Variants in GBP3 observed in about 807,000 individuals in gnomAD.
GBP3 encodes the protein guanylate-binding protein 3.
GBP3 carries 55 observed loss-of-function variants against 62.4 expected under a neutral mutation model. That is an observed-to-expected ratio of 0.88 (90% CI 0.71 to 1.10). The LOEUF is 1.10. GBP3 is among the 50% of genes least tolerant of loss of function. The pLI is 0.00. For synonymous variants in GBP3, 208 were observed against 259.2 expected (o/e 0.80, Z 1.90); for missense variants, 605 against 690.6 (o/e 0.88, Z 1.39).
At chr1:89,019,444 A>G (rs1570907585) in intron 2 of GBP3, among the ~76,000 whole-genome samples, 1 of 152,192 alleles carries the variant, frequency 6.6e-6, no homozygotes, top group Non-Finnish European at 1.5e-5. Context: ...ATGTGCCACC[A>G]TGCCCAGCTA....
chr1:89,013,541 T>C (rs1678709866), intron 5 of GBP3, 114 bp from the exon 6 acceptor site: 1 of 1,078,558 alleles, frequency 9.3e-7, no homozygotes, highest in African/African-American at 1.6e-5. Context: ...TACTCAACTT[T>C]GTTATTGGAG....
At chr1:89,015,206 C>T in intron 3 of GBP3, 81 bp downstream of exon 3, 1 of 1,382,158 alleles carries the variant, frequency 7.2e-7, no homozygotes, top group Non-Finnish European at 9.8e-7. Context: ...AATGCAAACT[C>T]TTCTTTAAGA....
chr1:89,016,896 A>G (rs948172745), intron 2 of GBP3, among the ~76,000 whole-genome samples: 1 of 152,152 alleles, frequency 6.6e-6, no homozygotes, highest in African/African-American at 2.4e-5. Context: ...AAAGAAATTA[A>G]GGAAGAGTTA....
At chr1:89,016,587 AT>A (rs1003758775) in intron 2 of GBP3, among the ~76,000 whole-genome samples, 32 of 148,100 alleles carry the variant, frequency 2.2e-4, no homozygotes, top group South Asian at 4.3e-4. Context: ...AAATTACAAA[AT>A]TTTTTTTTTT....
At chr1:89,008,752 C>T (rs1300566260) in intron 10 of GBP3, 195 bp downstream of exon 10, 2 of 997,496 alleles carry the variant, frequency 2.0e-6, no homozygotes, top group Admixed American at 5.8e-5. Flanking sequence ...GAATGTGACA[C>T]CCTGCAAATA....
At position 89,020,591 on chromosome 1, in the gene GBP3, A is replaced by C; in HGVS notation, c.131T>G (p.Val44Gly). 6.2e-7 allele frequency: 1 copy of C among 1,614,160 alleles called. No homozygotes were observed. The highest frequency in any genetic ancestry group is 8.5e-7 in the Non-Finnish European group (1 of 1,180,006). The change falls in exon 2 of 11, where the codon GTG becomes GGG. Residue 44 changes from valine to glycine, a missense_variant. By Grantham distance (109) the Val-to-Gly change is moderately radical. This residue lies in a region of GBP3 where 308 missense variants were observed against 318.0 expected (regional missense o/e 0.97). Transcript: ENST00000370481. The part of the protein sequence containing the change: ...ITQPVVVVAI[V>G]GLYRTGKSYL... ...GGATTTTCCTGTGCGGTAGAGGCCC[A>C]CAATTGCCACCACCACCACAGGCTG...
In GBP3 at chr1:89,020,405, A is replaced by T. The variant is rs188195039; in HGVS notation, c.190+127T>A. ...ATCCCCTAGAAGAGTGAAGATAAGGAGCCCAACTGTGAATGGAAAGTTAGC... is the reference window on the plus strand; with the variant it reads ...ATCCCCTAGAAGAGTGAAGATAAGGTGCCCAACTGTGAATGGAAAGTTAGC... On this transcript the variant is annotated intron_variant, in intron 2 of 10. Coordinates refer to ENST00000370481, the MANE Select transcript of GBP3 (RefSeq NM_018284.3). 6.5e-5 allele frequency: 69 copies of T among 1,058,712 alleles called. 1 individual carries two copies. In the Admixed American group the frequency reaches 1.0e-3, roughly 16 times the overall value. 65.6% of individuals were successfully genotyped at this position (1,058,712 alleles called of 1,614,324 possible). A position where few individuals can be genotyped will look rare whatever the true frequency, so the allele number is the denominator to read the frequency against.
Position 89,014,111 on chromosome 1 carries a change from G to A in GBP3, c.597C>T (p.Tyr199=), listed in dbSNP as rs1196826096. ...GCGTTAGCTTCAGGGAATACTCCAG[G>A]TACTCATCTGGTGTGAGGGGTTGTC... ...ADGQPLTPDE[Y]LEYSLKLTQG... is the part of the protein sequence containing the mutation. The change falls in exon 5 of 11, where the codon TAC becomes TAT. Residue 199 remains tyrosine, a synonymous_variant. Coordinates refer to ENST00000370481, the MANE Select transcript of GBP3 (RefSeq NM_018284.3). 3 of 1,614,090 alleles carry A rather than the reference G, an allele frequency of 1.9e-6. No homozygotes were observed. The highest frequency in any genetic ancestry group is 1.6e-4 in the Middle Eastern group (1 of 6,082).
rs191583307 is a variant in GBP3, at chr1:89,013,829, G to A, written c.625+254C>T. 1.6e-3 allele frequency: 748 copies of A among 458,898 alleles called. 2 individuals are homozygous for A. Among genetic ancestry groups the A allele is most frequent in the African/African-American group, 0.013 (647 of 50,230 alleles). 28.4% of individuals were successfully genotyped at this position (458,898 alleles called of 1,614,324 possible). A position where few individuals can be genotyped will look rare whatever the true frequency, so the allele number is the denominator to read the frequency against. ...AAAATAGGAAAAAATGAAAGAAAAA[G>A]AAACTTATTTTAGAACACAGGAGAA... On this transcript the variant is annotated intron_variant, in intron 5 of 10. Transcript: ENST00000370481.
intron 1 of GBP3, among the ~76,000 whole-genome samples, chr1:89,021,788 T>A (rs1430607546): frequency 1.8e-4 from 12 of 65,360 alleles, no homozygotes; most frequent in Non-Finnish European, 2.2e-4. Context: ...GCTGGAAAGA[T>A]GAGAGAGAGA....
chr1:89,008,893 G>A (rs1252129332), intron 10 of GBP3, 54 bp downstream of exon 10: 1 of 1,612,630 alleles, frequency 6.2e-7, no homozygotes, highest in Non-Finnish European at 8.5e-7. Context: ...TTTGTGATCA[G>A]GAAGAACAGA....
rs148562368 is a variant in GBP3 at position 89,020,580 on chromosome 1, G to A, written c.142C>T (p.Arg48Cys). 7.3e-4 allele frequency: 1,178 copies of A among 1,613,972 alleles called. No individual in the cohort carries two copies. The highest frequency in any genetic ancestry group is 9.5e-4 in the Non-Finnish European group (1,120 of 1,180,018). ...VVVVAIVGLY[R>C]TGKSYLMNKL... ...TTCATCAGGTAGGATTTTCCTGTGC[G>A]GTAGAGGCCCACAATTGCCACCACC... Residue 48 changes from arginine (R) to cysteine (C), a missense_variant, in exon 2 of 11, where the codon CGC becomes TGC. Arg to Cys is a radical substitution (Grantham distance 180, BLOSUM62 -3). Coordinates refer to ENST00000370481, the MANE Select transcript of GBP3 (RefSeq NM_018284.3).
At position 89,008,996 on chromosome 1, in the gene GBP3, C is replaced by T; in HGVS notation, c.1610G>A (p.Arg537Lys). Reference protein sequence around the residue: ...KQLTEKMERERAQLLEEQEKT... With the variant: ...KQLTEKMEREKAQLLEEQEKT... ...CTCTTGCTCTTCCAGCAACTGGGCC[C>T]TCTCCCTCTCCATCTTCTCAGTCAA... is the stretch of plus-strand genomic sequence containing the variant. The change falls in exon 10 of 11, where the codon AGG (arginine) becomes AAG (lysine). Residue 537 changes from arginine to lysine, a missense_variant. Arg to Lys is a conservative substitution (Grantham distance 26). Around this residue, in one of 3 missense-constraint regions of GBP3, gnomAD observed 160 missense variants for 147.8 expected, o/e 1.08. Transcript: ENST00000370481. 2 of 1,614,170 alleles carry T rather than the reference C, an allele frequency of 1.2e-6. No individual in the cohort carries two copies. The highest frequency in any genetic ancestry group is 1.7e-6 in the Non-Finnish European group (2 of 1,180,002).
chr1:89,021,508 G>GCACACACA (rs1360476955), intron 1 of GBP3, among the ~76,000 whole-genome samples: 98 of 53,498 alleles, frequency 1.8e-3, no homozygotes, highest in South Asian at 3.0e-3. Flanking sequence ...ATGCGCGCGC[G>GCACACACA]CGCACACACA....
chr1:89,009,851 G>C (rs1234685015), intron 8 of GBP3, among the ~76,000 whole-genome samples: 1 of 152,204 alleles, frequency 6.6e-6, no homozygotes, highest in Non-Finnish European at 1.5e-5. Flanking sequence ...GGGAGGAAGA[G>C]AGGGAGAGAA....
chr1:89,016,339 A>G (rs759204529), intron 2 of GBP3, among the ~76,000 whole-genome samples: 7 of 152,024 alleles, frequency 4.6e-5, no homozygotes, highest in Non-Finnish European at 1.0e-4. Flanking sequence ...CCCTGTCTCT[A>G]CTAAAACTAC....
At chr1:89,020,847 T>A in intron 1 of GBP3, 104 bp from the exon 2 acceptor site, 1 of 840,278 alleles carries the variant, frequency 1.2e-6, no homozygotes, top group Non-Finnish European at 1.9e-6. Flanking sequence ...TGTGTGTCAG[T>A]GAGAGAGATG....
At chr1:89,016,316 C>G (rs1481551695) in intron 2 of GBP3, among the ~76,000 whole-genome samples, 1 of 152,100 alleles carries the variant, frequency 6.6e-6, no homozygotes, top group East Asian at 1.9e-4. Flanking sequence ...ACCATCTGGC[C>G]AATGTGGTGA....
chr1:89,014,892 A>G (rs1208355483), intron 3 of GBP3, among the ~76,000 whole-genome samples: 1 of 152,214 alleles, frequency 6.6e-6, no homozygotes, highest in Non-Finnish European at 1.5e-5. Flanking sequence ...GATCATTGGC[A>G]GACAATTGCA....
Sources: allele counts gnomAD v4.1 joint callset (sites outside exome capture counted in the v4.1 genomes callset), GRCh38; gene constraint gnomAD v4.1.1; regional missense constraint gnomAD v4.1.1; transcripts MANE v1.5; gene names NCBI Gene and HGNC (gene_info 2026-07-23, HGNC 2026-07-21).